Variants in ARB2A observed in about 807,000 individuals in gnomAD.
ARB2A encodes ARB2 cotranscriptional regulator A.
the ARB2A span, among the ~76,000 whole-genome samples, chr5:93,871,791 T>C: frequency 1.0e-3 from 154 of 152,168 alleles, 1 homozygote; most frequent in East Asian, 0.025. Flanking sequence ...TTCCTTTCAA[T>C]AGTAAACATC....
At chr5:94,050,585 A>G in the ARB2A span, 6 of 603,574 alleles carry the variant, frequency 9.9e-6, no homozygotes, top group South Asian at 1.4e-4. Flanking sequence ...TAACATAACC[A>G]CTAAAAAGGA....
chr5:93,676,852 C>T, the ARB2A span, among the ~76,000 whole-genome samples: 2 of 152,202 alleles, frequency 1.3e-5, no homozygotes, highest in Admixed American at 6.5e-5. Context: ...GAGGGCCTCA[C>T]ATTTTTGGTG....
chr5:93,774,091 G>C, the ARB2A span, among the ~76,000 whole-genome samples: 4 of 152,146 alleles, frequency 2.6e-5, no homozygotes, highest in Admixed American at 2.6e-4. Flanking sequence ...CAGTCATCTT[G>C]AATGTTACTA....
At chr5:93,744,458 A>AAAAAAAAAAAAAAAAAAAAAAAAT in the ARB2A span, among the ~76,000 whole-genome samples, 1 of 150,740 alleles carries the variant, frequency 6.6e-6, no homozygotes, top group African/African-American at 2.4e-5. Flanking sequence ...AAAAAAAAAA[A>AAAAAAAAAAAAAAAAAAAAAAAAT]AAAAAAGTAA....
chr5:93,781,826 C>T, the ARB2A span: 1 of 925,490 alleles, frequency 1.1e-6, no homozygotes, highest in Non-Finnish European at 1.3e-6. Context: ...ACATGTATCA[C>T]ATTAATTTAA....
At chr5:93,875,575 A>G in the ARB2A span, among the ~76,000 whole-genome samples, 1 of 152,174 alleles carries the variant, frequency 6.6e-6, no homozygotes, top group Admixed American at 6.5e-5. Context: ...TATCTCTACA[A>G]TGGTATGATT....
chr5:93,842,913 C>T, the ARB2A span, among the ~76,000 whole-genome samples: 1 of 152,174 alleles, frequency 6.6e-6, no homozygotes, highest in African/African-American at 2.4e-5. Context: ...TGACCATATG[C>T]AAACTGAATG....
chr5:94,002,742 A>G, the ARB2A span, among the ~76,000 whole-genome samples: 2 of 152,008 alleles, frequency 1.3e-5, no homozygotes, highest in African/African-American at 2.4e-5. Context: ...AAATAATAAT[A>G]TATCATTTTG....
chr5:93,823,337 T>A, the ARB2A span, among the ~76,000 whole-genome samples: 1 of 152,166 alleles, frequency 6.6e-6, no homozygotes, highest in African/African-American at 2.4e-5. Context: ...GTACACATAA[T>A]CTTAACTCCA....
the ARB2A span, among the ~76,000 whole-genome samples, chr5:93,998,475 A>G: frequency 1.3e-5 from 2 of 151,992 alleles, no homozygotes; most frequent in African/African-American, 4.8e-5. Context: ...AAATATTTGT[A>G]TGTAAAAACA....
chr5:93,686,757 C>A, the ARB2A span, among the ~76,000 whole-genome samples: 1 of 152,076 alleles, frequency 6.6e-6, no homozygotes, highest in African/African-American at 2.4e-5. Flanking sequence ...CTCCTACAAA[C>A]AAATCATCAT....
the ARB2A span, among the ~76,000 whole-genome samples, chr5:94,087,411 A>T: frequency 6.6e-6 from 1 of 152,166 alleles, no homozygotes. Flanking sequence ...TCTCTTAAAA[A>T]AAAATTAATT....
chr5:93,983,056 A>G, the ARB2A span, among the ~76,000 whole-genome samples: 1 of 152,186 alleles, frequency 6.6e-6, no homozygotes, highest in East Asian at 1.9e-4. Flanking sequence ...ACTCCGATAC[A>G]CACCTAAACA....
the ARB2A span, among the ~76,000 whole-genome samples, chr5:93,974,615 G>A: frequency 2.6e-5 from 4 of 152,062 alleles, no homozygotes; most frequent in East Asian, 7.7e-4. Flanking sequence ...AGACATCTAT[G>A]GAATACTCCA....
the ARB2A span, chr5:93,620,428 G>A: frequency 6.6e-6 from 1 of 150,800 alleles, no homozygotes; most frequent in East Asian, 1.9e-4. Context: ...ATGGCATTCA[G>A]GTTCTGAATT....
chr5:93,773,489 C>G, the ARB2A span, among the ~76,000 whole-genome samples: 1 of 152,182 alleles, frequency 6.6e-6, no homozygotes, highest in Admixed American at 6.5e-5. Context: ...TCAGGCAGGA[C>G]GCTAATGGCC....
chr5:93,988,538 A>G, the ARB2A span, among the ~76,000 whole-genome samples: 3 of 152,196 alleles, frequency 2.0e-5, no homozygotes, highest in Non-Finnish European at 4.4e-5. Flanking sequence ...GACATAGCTA[A>G]GAAACTTGCA....
At chr5:94,082,267 G>A in the ARB2A span, among the ~76,000 whole-genome samples, 1 of 151,958 alleles carries the variant, frequency 6.6e-6, no homozygotes, top group Non-Finnish European at 1.5e-5. Flanking sequence ...AATCCCCTAA[G>A]CACATACCAC....
At chr5:93,787,429 TATA>T in the ARB2A span, among the ~76,000 whole-genome samples, 22 of 152,214 alleles carry the variant, frequency 1.4e-4, no homozygotes, top group Admixed American at 1.3e-4. Flanking sequence ...TTTGTCTGTG[TATA>T]ATATTTATTT....
Sources: gnomAD v4.1 joint callset for allele counts (sites outside exome capture counted in the v4.1 genomes callset) on GRCh38, gnomAD v4.1.1 for gene constraint, MANE v1.5 for transcripts, NCBI Gene and HGNC (gene_info 2026-07-23, HGNC 2026-07-21) for gene names.